Variants in PREX2 observed in about 807,000 individuals in gnomAD.
PREX2 encodes phosphatidylinositol-3,4,5-trisphosphate dependent Rac exchange factor 2, also known as phosphatidylinositol 3,4,5-trisphosphate-dependent Rac exchanger 2 protein.
A neutral mutation model predicts 203.2 loss-of-function variants in PREX2; 107 were observed. The observed-to-expected ratio is 0.53, with a 90% confidence interval of 0.45 to 0.62. The LOEUF is 0.62. Ranked by LOEUF, PREX2 falls within the 20% of genes least tolerant of loss-of-function variation. The probability of loss-of-function intolerance (pLI) is 0.00; values close to 1 mark genes in which losing one functional copy is unlikely to be tolerated. For missense variants in PREX2, 1,777 were observed against 1,955.9 expected, an observed-to-expected ratio of 0.91 and a Z score of 1.72; for synonymous variants, 672 against 663.6, an observed-to-expected ratio of 1.01 and a Z score of -0.19.
At chr8:68,190,522 A>G (rs1417120742) in intron 35 of PREX2, among the ~76,000 whole-genome samples, 1 of 152,134 alleles carries the variant, frequency 6.6e-6, no homozygotes, top group Admixed American at 6.5e-5. Flanking sequence ...ACTTACACAG[A>G]GATAGAAGCA....
At position 68,016,884 on chromosome 8, in the gene PREX2, G is replaced by T. The variant is rs183745858; in HGVS notation, c.142-962G>T. 8.2e-4 allele frequency among the ~76,000 whole-genome samples: 125 copies of T among 152,232 alleles called. 2 individuals carry two copies. Among genetic ancestry groups the T allele is most frequent in the African/African-American group, 2.7e-3 (113 of 41,538 alleles). On this transcript the variant is annotated intron_variant, in intron 1 of 39. Transcript: ENST00000288368. ...CTGCCTGGGACTCCCAAAGCGCTAG[G>T]AGTATAGACATGAGCCACCATACTG...
At chr8:68,094,195 A>G (rs896713774) in intron 21 of PREX2, among the ~76,000 whole-genome samples, 1 of 152,218 alleles carries the variant, frequency 6.6e-6, no homozygotes, top group Non-Finnish European at 1.5e-5. Context: ...ACAGAATCTC[A>G]GCTGTACCCC....
chr8:68,144,040 T>A (rs1313094284), intron 33 of PREX2, among the ~76,000 whole-genome samples: 2 of 152,194 alleles, frequency 1.3e-5, no homozygotes, highest in Non-Finnish European at 2.9e-5. Context: ...TTCTATTTCA[T>A]TGATCTATTT....
intron 4 of PREX2, among the ~76,000 whole-genome samples, chr8:68,023,895 A>T (rs1018809093): frequency 3.9e-5 from 6 of 152,080 alleles, no homozygotes; most frequent in African/African-American, 1.4e-4. Flanking sequence ...TTTTGCATAT[A>T]GGATCAATTA....
intron 4 of PREX2, among the ~76,000 whole-genome samples, chr8:68,026,634 G>A (rs1424339692): frequency 6.6e-6 from 1 of 151,036 alleles, no homozygotes. Context: ...TTGCCTCTGT[G>A]GAAATCCTAT....
chr8:67,991,985 T>G (rs532330928), intron 1 of PREX2, among the ~76,000 whole-genome samples: 2 of 152,354 alleles, frequency 1.3e-5, no homozygotes, highest in East Asian at 3.9e-4. Flanking sequence ...CTGTTTTTCA[T>G]CCTTGTTCAC....
intron 14 of PREX2, among the ~76,000 whole-genome samples, chr8:68,077,050 A>G (rs558506665): frequency 1.3e-5 from 2 of 152,328 alleles, no homozygotes; most frequent in South Asian, 2.1e-4. Flanking sequence ...TTTACAGGAT[A>G]TTTCCCTGTT....
At chr8:68,098,938 G>GTATGTA (rs1554577009) in intron 22 of PREX2, among the ~76,000 whole-genome samples, 2 of 109,820 alleles carry the variant, frequency 1.8e-5, no homozygotes, top group South Asian at 3.1e-4. Flanking sequence ...ATATATATGT[G>GTATGTA]TATATATATA....
chr8:68,223,021 T>C (rs1585874643), intron 38 of PREX2, among the ~76,000 whole-genome samples: 1 of 151,738 alleles, frequency 6.6e-6, no homozygotes, highest in African/African-American at 2.4e-5. Context: ...TGGAGGGGAG[T>C]GAGGAGACAG....
At chr8:68,115,021 C>CTTTTTTTTTTTTTTTTTTTTTTTTTTTT (rs5892137) in intron 25 of PREX2, among the ~76,000 whole-genome samples, 2 of 86,864 alleles carry the variant, frequency 2.3e-5, no homozygotes, top group Non-Finnish European at 4.1e-5. Context: ...TCTTTTCTTT[C>CTTTTTTTTTTTTTTTTTTTTTTTTTTTT]TTTTTTTTTT....
At chr8:68,084,558 C>T (rs190507734) in intron 18 of PREX2, among the ~76,000 whole-genome samples, 3 of 152,024 alleles carry the variant, frequency 2.0e-5, no homozygotes, top group Non-Finnish European at 2.9e-5. Context: ...CAAGGCAGTG[C>T]GAATTCATTA....
At chr8:68,107,840 A>G (rs1185280272) in intron 23 of PREX2, among the ~76,000 whole-genome samples, 1 of 152,230 alleles carries the variant, frequency 6.6e-6, no homozygotes, top group Admixed American at 6.5e-5. Flanking sequence ...TGTGCTGGCC[A>G]CAGAAATTCA....
In PREX2 at chr8:67,971,983, G is replaced by A. The variant is rs72660822; in HGVS notation, c.141+19448G>A. ...AAGTTCTTTGTTGTGATGAGATATGGAGAATTATTTTCTAAGTGCCAATTT... is the reference window on the plus strand; with the variant it reads ...AAGTTCTTTGTTGTGATGAGATATGAAGAATTATTTTCTAAGTGCCAATTT... On this transcript the variant is annotated intron_variant, in intron 1 of 39. Transcript: ENST00000288368. 8.9e-4 allele frequency among the ~76,000 whole-genome samples: 136 copies of A among 152,320 alleles called. No individual in the cohort carries two copies. The Middle Eastern group carries it at 0.01, about 11-fold the overall frequency.
chr8:67,961,026 T>C (rs539991981), intron 1 of PREX2, among the ~76,000 whole-genome samples: 1 of 151,220 alleles, frequency 6.6e-6, no homozygotes, highest in South Asian at 2.1e-4. Flanking sequence ...GTGCAAATAG[T>C]ATAAAACTTC....
intron 23 of PREX2, chr8:68,101,516 T>G (rs1810263189): frequency 2.0e-6 from 1 of 511,320 alleles, no homozygotes; most frequent in East Asian, 5.5e-5. Context: ...ATTCCATGAA[T>G]GTACCTTGTT....
At chr8:68,071,908 A>G (rs1408673841) in intron 13 of PREX2, among the ~76,000 whole-genome samples, 1 of 152,082 alleles carries the variant, frequency 6.6e-6, no homozygotes, top group East Asian at 1.9e-4. Flanking sequence ...GCATTTCTTT[A>G]CTCTACAGAT....
intron 35 of PREX2, among the ~76,000 whole-genome samples, chr8:68,166,526 G>C (rs547402239): frequency 9.2e-4 from 140 of 152,146 alleles, no homozygotes; most frequent in Non-Finnish European, 1.7e-3. Context: ...GGGAAGAAAG[G>C]GGGATGGGGA....
intron 37 of PREX2, among the ~76,000 whole-genome samples, chr8:68,210,236 C>G (rs937934921): frequency 6.6e-6 from 1 of 152,210 alleles, no homozygotes; most frequent in East Asian, 1.9e-4. Context: ...TTTACATTTC[C>G]CATTTGTAAT....
chr8:68,036,860 T>C (rs1218343479), intron 6 of PREX2, among the ~76,000 whole-genome samples: 1 of 152,140 alleles, frequency 6.6e-6, no homozygotes, highest in African/African-American at 2.4e-5. Context: ...GGAGAATCGC[T>C]TTCCAGGAGG....
Sources: gnomAD v4.1 joint callset for allele counts (sites outside exome capture counted in the v4.1 genomes callset) on GRCh38, gnomAD v4.1.1 for gene constraint, MANE v1.5 for transcripts, NCBI Gene and HGNC (gene_info 2026-07-23, HGNC 2026-07-21) for gene names.